EFCAB11: variants seen among roughly 807,000 people sequenced by gnomAD.
EFCAB11 encodes the protein EF-hand calcium binding domain 11.
In EFCAB11, 14 loss-of-function variants were observed where a neutral mutation model predicts 23.0. The ratio of observed to expected loss-of-function variants is 0.61; its 90% CI spans 0.40 to 0.95. EFCAB11 has a LOEUF of 0.95. EFCAB11 is among the 40% of genes least tolerant of loss of function. The pLI, the probability that EFCAB11 is intolerant of heterozygous loss-of-function variation, is 0.00. For synonymous variants in EFCAB11, 65 were observed against 66.6 expected, an observed-to-expected ratio of 0.98 and a Z score of 0.11; for missense variants, 198 against 195.8, an observed-to-expected ratio of 1.01 and a Z score of -0.07.
chr14:89,830,167 G>C (rs535862121), intron 5 of EFCAB11: 10 of 152,150 alleles, frequency 6.6e-5, no homozygotes, highest in African/African-American at 2.4e-4. Flanking sequence ...ATTTTACCTA[G>C]ATTAGGTAAA....
At chr14:89,860,556 G>GA (rs148377049) in intron 5 of EFCAB11, among the ~76,000 whole-genome samples, 2,073 of 152,254 alleles carry the variant, frequency 0.014, 51 homozygotes, top group African/African-American at 0.047. Context: ...AAATGTCTTT[G>GA]AAGATATTTC....
intron 5 of EFCAB11, among the ~76,000 whole-genome samples, chr14:89,926,095 A>G (rs965955563): frequency 3.9e-5 from 6 of 152,256 alleles, no homozygotes; most frequent in Non-Finnish European, 5.9e-5. Flanking sequence ...GATTACAGGC[A>G]TGAGCCACCG....
At chr14:89,904,084 C>T (rs138007870) in intron 5 of EFCAB11, among the ~76,000 whole-genome samples, 2,016 of 151,972 alleles carry the variant, frequency 0.013, 48 homozygotes, top group African/African-American at 0.046. Context: ...CCCATCAACT[C>T]GTCATTTACA....
chr14:89,855,998 C>T (rs891663937), intron 5 of EFCAB11, among the ~76,000 whole-genome samples: 2 of 152,174 alleles, frequency 1.3e-5, no homozygotes, highest in African/African-American at 4.8e-5. Context: ...CGTATATATA[C>T]ACCACAGTTT....
In EFCAB11 at chr14:89,875,931, C is replaced by CTCGA. The variant is rs1474136147; in HGVS notation, c.410+55606_410+55609dup. 4.6e-5 allele frequency among the ~76,000 whole-genome samples: 7 copies of CTCGA among 152,260 alleles called. No homozygotes were observed. In the East Asian group the frequency reaches 1.4e-3, roughly 29 times the overall value. On this transcript the variant is annotated intron_variant, in intron 5 of 5. Transcript: ENST00000316738. Reference sequence around the variant, plus strand: ...GAAGCATTGGCTGTTAAAGGTCAGACTCGACCCAAGAGAGCAGTGTCAGAT... The same window carrying CTCGA: ...GAAGCATTGGCTGTTAAAGGTCAGACTCGATCGACCCAAGAGAGCAGTGTCAGAT...
At chr14:89,842,026 G>A (rs1463151108) in intron 5 of EFCAB11, among the ~76,000 whole-genome samples, 1 of 152,124 alleles carries the variant, frequency 6.6e-6, no homozygotes, top group Non-Finnish European at 1.5e-5. Flanking sequence ...TCCCTCTGCT[G>A]GTGAACAGTA....
intron 5 of EFCAB11, among the ~76,000 whole-genome samples, chr14:89,921,971 A>G (rs1404555632): frequency 6.6e-6 from 1 of 152,196 alleles, no homozygotes; most frequent in Non-Finnish European, 1.5e-5. Context: ...AACACGAGAA[A>G]TTGATTCCTT....
At chr14:89,885,901 A>C (rs1443228609) in intron 5 of EFCAB11, among the ~76,000 whole-genome samples, 1 of 148,200 alleles carries the variant, frequency 6.7e-6, no homozygotes, top group Non-Finnish European at 1.5e-5. Context: ...TCTTTGGTGG[A>C]AATTGAAAAA....
At chr14:89,920,105 G>C (rs1451210695) in intron 5 of EFCAB11, among the ~76,000 whole-genome samples, 4 of 152,138 alleles carry the variant, frequency 2.6e-5, no homozygotes, top group Non-Finnish European at 5.9e-5. Flanking sequence ...CAAATCCTTT[G>C]GTCTTGTGAT....
intron 5 of EFCAB11, among the ~76,000 whole-genome samples, chr14:89,805,768 T>G (rs936348412): frequency 6.6e-6 from 1 of 152,104 alleles, no homozygotes; most frequent in East Asian, 1.9e-4. Context: ...TGAAATGGAT[T>G]TTCTGCTACT....
chr14:89,839,857 C>T (rs371902723), intron 5 of EFCAB11, among the ~76,000 whole-genome samples: 5 of 151,970 alleles, frequency 3.3e-5, no homozygotes, highest in South Asian at 2.1e-4. Flanking sequence ...AGAACTCATT[C>T]GCTATATAGT....
At chr14:89,866,132 T>C (rs902279101) in intron 5 of EFCAB11, among the ~76,000 whole-genome samples, 17 of 152,194 alleles carry the variant, frequency 1.1e-4, no homozygotes, top group African/African-American at 4.1e-4. Flanking sequence ...CCTGCTTGAC[T>C]GTCAGAGGAC....
chr14:89,869,017 C>CAT (rs1888185617), intron 5 of EFCAB11, among the ~76,000 whole-genome samples: 1 of 151,626 alleles, frequency 6.6e-6, no homozygotes. Flanking sequence ...GCCTGGGTAA[C>CAT]ATAGTGAGAC....
At chr14:89,819,421 TC>T (rs774735220) in intron 5 of EFCAB11, among the ~76,000 whole-genome samples, 5 of 146,694 alleles carry the variant, frequency 3.4e-5, no homozygotes, top group East Asian at 2.0e-4. Flanking sequence ...AAACTTTCTA[TC>T]TTTTTTTTCT....
chr14:89,925,490 CAG>C (rs1890160598), intron 5 of EFCAB11, among the ~76,000 whole-genome samples: 1 of 152,084 alleles, frequency 6.6e-6, no homozygotes, highest in Admixed American at 6.5e-5. Flanking sequence ...ATAGTACAAA[CAG>C]TACTATAGTA....
intron 5 of EFCAB11, among the ~76,000 whole-genome samples, chr14:89,821,043 T>G (rs1886500274): frequency 6.6e-6 from 1 of 152,094 alleles, no homozygotes; most frequent in African/African-American, 2.4e-5. Context: ...TTATTTTTTG[T>G]AGAGATGGGG....
Position 89,917,053 on chromosome 14 carries a change from CGTGTGTGTGTGTGT to C in EFCAB11, c.410+14474_410+14487del, listed in dbSNP as rs71107570. On this transcript the variant is annotated intron_variant, in intron 5 of 5. Coordinates refer to ENST00000316738, the MANE Select transcript of EFCAB11 (RefSeq NM_145231.4). ...AGCATATCCATCACCTGACATGCTTCGTGTGTGTGTGTGTGTGTGTGTGTGTGTGTGTGTGTGTG... is the reference window on the plus strand; with the variant it reads ...AGCATATCCATCACCTGACATGCTTCGTGTGTGTGTGTGTGTGTGTGTGTG... 1.9e-3 allele frequency among the ~76,000 whole-genome samples: 265 copies of C among 136,722 alleles called. 1 individual carries two copies. The highest frequency in any genetic ancestry group is 2.7e-3 in the African/African-American group (92 of 33,970). 89.7% of individuals were successfully genotyped at this position (136,722 alleles called of 152,430 possible).
At chr14:89,926,658 A>T (rs980326361) in intron 5 of EFCAB11, among the ~76,000 whole-genome samples, 1 of 152,246 alleles carries the variant, frequency 6.6e-6, no homozygotes, top group Admixed American at 6.5e-5. Context: ...TTAGCAAAAA[A>T]CTTAAAAGGA....
chr14:89,905,575 C>A (rs1340700598), intron 5 of EFCAB11, among the ~76,000 whole-genome samples: 1 of 152,100 alleles, frequency 6.6e-6, no homozygotes, highest in Non-Finnish European at 1.5e-5. Context: ...GGCTCACGGA[C>A]CAGGGAACAG....
Sources: gnomAD v4.1 joint callset for allele counts (sites outside exome capture counted in the v4.1 genomes callset) on GRCh38, gnomAD v4.1.1 for gene constraint, MANE v1.5 for transcripts, NCBI Gene and HGNC (gene_info 2026-07-23, HGNC 2026-07-21) for gene names.